Variants in CRADD observed in about 807,000 individuals in gnomAD.
CRADD encodes the protein CARD and death domain containing adaptor protein, also known as death domain-containing protein CRADD.
A neutral mutation model predicts 15.5 loss-of-function variants in CRADD; 9 were observed. The ratio of observed to expected loss-of-function variants is 0.58; its 90% CI spans 0.35 to 1.01. The LOEUF is 1.01. Ranked by LOEUF, CRADD falls within the 50% of genes least tolerant of loss-of-function variation. The pLI, the probability that CRADD is intolerant of heterozygous loss-of-function variation, is 0.02. For missense variants in CRADD, 227 were observed against 250.3 expected (o/e 0.91, Z 0.63); for synonymous variants, 118 against 107.6 (o/e 1.10, Z -0.60).
At chr12:93,736,941 C>T (rs1956580469) in intron 2 of CRADD, among the ~76,000 whole-genome samples, 1 of 152,136 alleles carries the variant, frequency 6.6e-6, no homozygotes, top group African/African-American at 2.4e-5. Flanking sequence ...CAATTATTTC[C>T]TCAAGGAACT....
At chr12:93,818,835 C>T (rs1957737862) in intron 2 of CRADD, among the ~76,000 whole-genome samples, 1 of 152,160 alleles carries the variant, frequency 6.6e-6, no homozygotes, top group African/African-American at 2.4e-5. Context: ...GAGCATGATC[C>T]AAAACCTCGT....
At chr12:93,798,771 T>G (rs1957447103) in intron 2 of CRADD, among the ~76,000 whole-genome samples, 1 of 152,140 alleles carries the variant, frequency 6.6e-6, no homozygotes. Flanking sequence ...GGCAAGAACT[T>G]CCCCTCCAGA....
At chr12:93,796,054 CTACT>C (rs1218536976) in intron 2 of CRADD, among the ~76,000 whole-genome samples, 2 of 152,074 alleles carry the variant, frequency 1.3e-5, no homozygotes, top group African/African-American at 4.8e-5. Context: ...TAAATATTAT[CTACT>C]TATCTAATGC....
chr12:93,862,360 G>A (rs1298256301), intron 2 of CRADD, among the ~76,000 whole-genome samples: 2 of 152,182 alleles, frequency 1.3e-5, no homozygotes, highest in African/African-American at 4.8e-5. Flanking sequence ...TAATCAAAGC[G>A]ACATGACACC....
Position 93,850,246 on chromosome 12 carries a change from C to G in CRADD, c.575C>G (p.Ser192Trp), listed in dbSNP as rs532975114. The G allele has an allele frequency of 1.9e-6, 3 of 1,605,334 alleles. No homozygotes were observed. The highest frequency in any genetic ancestry group is 2.2e-5 in the South Asian group (2 of 90,760). The change falls in exon 3 of 3, where the codon TCG becomes TGG. Residue 192 changes from serine to tryptophan, a missense_variant. Physicochemically the swap from Ser to Trp is radical, Grantham distance 177 (BLOSUM62 -3). Coordinates refer to ENST00000332896, the MANE Select transcript of CRADD (RefSeq NM_003805.5). The surrounding 1 kb of genome is among the most constrained non-coding windows in gnomAD (Gnocchi z 4.0). ...CTGCGGGCTGTGGAGGTGGACCCCTCGCTGCTCCTGCACATGTTGGAGTGA... is the reference window on the plus strand; with the variant it reads ...CTGCGGGCTGTGGAGGTGGACCCCTGGCTGCTCCTGCACATGTTGGAGTGA... ...NGLRAVEVDP[S>W]LLLHMLE
At chr12:93,826,412 A>C (rs182330880) in intron 2 of CRADD, among the ~76,000 whole-genome samples, 1 of 152,226 alleles carries the variant, frequency 6.6e-6, no homozygotes, top group South Asian at 2.1e-4. Context: ...ATATTATTTT[A>C]AAGTGCTGCA....
chr12:93,863,758 C>T (rs1958339133), intron 2 of CRADD, among the ~76,000 whole-genome samples: 1 of 152,106 alleles, frequency 6.6e-6, no homozygotes, highest in African/African-American at 2.4e-5. Flanking sequence ...ATACCAGTAA[C>T]ACCCCCAATA....
chr12:93,880,825 C>T (rs141300591), intron 2 of CRADD, among the ~76,000 whole-genome samples: 22 of 152,296 alleles, frequency 1.4e-4, no homozygotes, highest in South Asian at 8.3e-4. Flanking sequence ...TTTTCAGAAT[C>T]GGTACTTTTT....
chr12:93,814,842 A>G (rs1451365083), intron 2 of CRADD, among the ~76,000 whole-genome samples: 1 of 152,256 alleles, frequency 6.6e-6, no homozygotes, highest in East Asian at 1.9e-4. Flanking sequence ...CTATGTGATC[A>G]TGTATATGTA....
intron 2 of CRADD, among the ~76,000 whole-genome samples, chr12:93,873,725 A>G (rs544987117): frequency 2.6e-5 from 4 of 152,186 alleles, no homozygotes; most frequent in Non-Finnish European, 4.4e-5. Flanking sequence ...ATTAATTTGT[A>G]TATGTTGAAC....
intron 2 of CRADD, among the ~76,000 whole-genome samples, chr12:93,731,089 C>A (rs375085594): frequency 7.2e-5 from 11 of 152,172 alleles, no homozygotes; most frequent in African/African-American, 2.6e-4. Flanking sequence ...TGTGGTGCAA[C>A]TTTATATTTG....
rs180942098 is a variant in CRADD, at chr12:93,834,422, T to C, written c.299-15548T>C. The stretch of plus-strand genomic sequence containing the variant: ...CTATTCTATAATCTAGCTTTGATTT[T>C]GATTAGTTATGTTATTTTCATATAG... On this transcript the variant is annotated intron_variant, in intron 2 of 2. Transcript: ENST00000332896. Among the ~76,000 whole-genome samples the C allele has an allele frequency of 4.4e-4, 67 of 152,344 alleles. 2 individuals are homozygous for C. The East Asian group carries it at 9.8e-3, about 22-fold the overall frequency.
At chr12:93,695,336 G>T (rs951567331) in intron 2 of CRADD, among the ~76,000 whole-genome samples, 2 of 152,120 alleles carry the variant, frequency 1.3e-5, no homozygotes, top group Admixed American at 6.5e-5. Context: ...TTAAACATAA[G>T]ACCAAAATTA....
chr12:93,746,257 A>G (rs1956748388), intron 2 of CRADD, among the ~76,000 whole-genome samples: 1 of 152,240 alleles, frequency 6.6e-6, no homozygotes, highest in African/African-American at 2.4e-5. Flanking sequence ...TCTTTCTGCT[A>G]GAAAGGTTAA....
rs59531689 is a variant in CRADD, at chr12:93,692,043, A to G, written c.298+12971A>G. Among the ~76,000 whole-genome samples, 686 of 152,230 alleles carry G rather than the reference A, an allele frequency of 4.5e-3. 2 individuals carry two copies. The highest frequency in any genetic ancestry group is 0.016 in the African/African-American group (660 of 41,532). On this transcript the variant is annotated intron_variant, in intron 2 of 2. Coordinates refer to ENST00000332896, the MANE Select transcript of CRADD (RefSeq NM_003805.5). ...CCTGCACATGTAGTCCAGGACTTAA[A>G]GTAAAAATTAAAATTAAATTCTGGA...
At chr12:93,812,742 T>A (rs554476687) in intron 2 of CRADD, among the ~76,000 whole-genome samples, 2 of 152,328 alleles carry the variant, frequency 1.3e-5, no homozygotes, top group Admixed American at 1.3e-4. Flanking sequence ...TTAGTAATAG[T>A]TTGTTGCCAA....
intron 2 of CRADD, among the ~76,000 whole-genome samples, chr12:93,837,095 G>T (rs1247569430): frequency 6.6e-6 from 1 of 152,092 alleles, no homozygotes. Context: ...TCTCTGGTTC[G>T]CAGCTGGCTG....
chr12:93,857,288 A>G (rs1022342613), intron 2 of CRADD, among the ~76,000 whole-genome samples: 6 of 152,210 alleles, frequency 3.9e-5, no homozygotes, highest in African/African-American at 1.4e-4. Flanking sequence ...GATTTGATCA[A>G]GTAGTTACTA....
rs561663483 is a variant in CRADD, at chr12:93,884,028, A to G, written c.299-10022A>G. ...AGAGTCCCAGCCTCAGAAGTGACAC[A>G]CCAGCACTTCTGCCATAGTTTTTTG... On this transcript the variant is annotated intron_variant, in intron 2 of 2. Transcript: ENST00000548483. Among the ~76,000 whole-genome samples the G allele has an allele frequency of 8.2e-4, 125 of 152,248 alleles. 1 individual carries two copies. Among genetic ancestry groups the G allele is most frequent in the African/African-American group, 2.9e-3 (121 of 41,562 alleles).
Sources: allele counts gnomAD v4.1 joint callset (sites outside exome capture counted in the v4.1 genomes callset), GRCh38; gene constraint gnomAD v4.1.1; non-coding constraint Gnocchi (gnomAD v3.1); transcripts MANE v1.5; gene names NCBI Gene and HGNC (gene_info 2026-07-23, HGNC 2026-07-21).